DCLK2: variants seen among roughly 807,000 people sequenced by gnomAD.
The protein encoded by DCLK2 is doublecortin like kinase 2, also known as serine/threonine-protein kinase DCLK2.
In DCLK2, 31 loss-of-function variants were observed where a neutral mutation model predicts 78.4. That is an observed-to-expected ratio of 0.40 (90% CI 0.30 to 0.53). The LOEUF (loss-of-function observed/expected upper bound fraction) is 0.53, where lower values mean the gene tolerates loss of function less well. DCLK2 is among the 20% of genes least tolerant of loss of function. The pLI is 0.61. For missense variants in DCLK2, 872 were observed against 973.7 expected (o/e 0.90, Z 1.39); for synonymous variants, 407 against 374.9 (o/e 1.09, Z -0.99).
intron 2 of DCLK2, among the ~76,000 whole-genome samples, chr4:150,157,859 G>A (rs966413875): frequency 6.6e-6 from 1 of 152,054 alleles, no homozygotes; most frequent in Non-Finnish European, 1.5e-5. Context: ...AACTCTCTGA[G>A]CTCAAGTGAT....
At chr4:150,142,474 C>A (rs1734174798) in intron 2 of DCLK2, among the ~76,000 whole-genome samples, 1 of 152,116 alleles carries the variant, frequency 6.6e-6, no homozygotes, top group African/African-American at 2.4e-5. Context: ...TTTTTAGTTT[C>A]TTTTGCTTCC....
chr4:150,149,484 T>G (rs901110518), intron 2 of DCLK2, among the ~76,000 whole-genome samples: 7 of 152,180 alleles, frequency 4.6e-5, no homozygotes, highest in African/African-American at 1.7e-4. Context: ...GCCAGGATGT[T>G]TCACAGAGGG....
chr4:150,220,842 T>A, intron 6 of DCLK2, 64 bp downstream of exon 6: 1 of 1,262,568 alleles, frequency 7.9e-7, no homozygotes, highest in Non-Finnish European at 1.1e-6. Flanking sequence ...GGTGCTCACC[T>A]AAAACTCACT....
chr4:150,198,050 A>G lies in DCLK2; in HGVS notation c.908A>G (p.Tyr303Cys). Residue 303 changes from tyrosine to cysteine, a missense_variant, in exon 4 of 16, where the codon TAT becomes TGT. By Grantham distance (194) the Tyr-to-Cys change is radical (BLOSUM62 -2). Around this residue, in one of 3 missense-constraint regions of DCLK2, gnomAD observed 567 missense variants for 593.4 expected, o/e 0.96. Transcript: ENST00000296550. ...SSYSRSSAVKYSGSKSPGPSR... is the reference protein window; with the variant it reads ...SSYSRSSAVKCSGSKSPGPSR... ...TATTCTCGATCCTCAGCTGTTAAGT[A>G]TTCTGGATCCAAAAGCCCTGGGCCC... 1 of 1,613,970 alleles carries G rather than the reference A, an allele frequency of 6.2e-7. No individual in the cohort carries two copies. Among genetic ancestry groups the G allele is most frequent in the Non-Finnish European group, 8.5e-7 (1 of 1,179,966 alleles).
intron 15 of DCLK2, among the ~76,000 whole-genome samples, chr4:150,250,462 G>T (rs1743683645): frequency 6.6e-6 from 1 of 152,100 alleles, no homozygotes; most frequent in African/African-American, 2.4e-5. Context: ...ACCGTGAGCA[G>T]GTAGAAGCCA....
intron 1 of DCLK2, among the ~76,000 whole-genome samples, chr4:150,094,213 A>C (rs1429844125): frequency 6.6e-6 from 1 of 152,238 alleles, no homozygotes; most frequent in Non-Finnish European, 1.5e-5. Context: ...GGACTACATC[A>C]AACTAAAAAG....
rs201258896 is a variant in DCLK2 at position 150,247,562 on chromosome 4, G to A, written c.1779-41G>A. 1,390 of 1,584,084 alleles carry A rather than the reference G, an allele frequency of 8.8e-4. 5 individuals carry two copies. Among genetic ancestry groups the A allele is most frequent in the Non-Finnish European group, 1.0e-3 (1,187 of 1,154,280 alleles). On this transcript the variant is annotated intron_variant, in intron 12 of 15. Coordinates refer to ENST00000296550, the MANE Select transcript of DCLK2 (RefSeq NM_001040260.4). The stretch of plus-strand genomic sequence containing the variant: ...GGACATTTTGTTGAAAAATTCTACG[G>A]TGACTTTGACTTTTCTTCCATTTCT...
chr4:150,176,383 C>T (rs1355899653), intron 2 of DCLK2, among the ~76,000 whole-genome samples: 1 of 152,152 alleles, frequency 6.6e-6, no homozygotes, highest in Non-Finnish European at 1.5e-5. Context: ...TGGGTGTCTT[C>T]CTAACTTTCC....
intron 3 of DCLK2, among the ~76,000 whole-genome samples, chr4:150,196,071 T>A (rs911761752): frequency 1.3e-5 from 2 of 152,166 alleles, no homozygotes; most frequent in African/African-American, 4.8e-5. Flanking sequence ...AATTTTTTTT[T>A]AATCAGTTAT....
At chr4:150,135,830 C>T (rs1733647877) in intron 2 of DCLK2, among the ~76,000 whole-genome samples, 1 of 152,114 alleles carries the variant, frequency 6.6e-6, no homozygotes, top group Admixed American at 6.6e-5. Context: ...GAGGAAATAG[C>T]TGATGTTTAG....
intron 1 of DCLK2, among the ~76,000 whole-genome samples, chr4:150,098,277 G>A (rs764427067): frequency 2.6e-5 from 4 of 152,204 alleles, no homozygotes; most frequent in Middle Eastern, 3.4e-3. Flanking sequence ...GTTTGGTATT[G>A]TGGATTGCAC....
At chr4:150,109,352 C>CT (rs1333339882) in intron 2 of DCLK2, among the ~76,000 whole-genome samples, 1 of 136,860 alleles carries the variant, frequency 7.3e-6, no homozygotes, top group Non-Finnish European at 1.6e-5. Context: ...TTTTTTTTCT[C>CT]TGAGACGGAG....
At chr4:150,143,540 G>T (rs1734248151) in intron 2 of DCLK2, among the ~76,000 whole-genome samples, 1 of 152,086 alleles carries the variant, frequency 6.6e-6, no homozygotes, top group South Asian at 2.1e-4. Flanking sequence ...TTAATATAAT[G>T]ATTTTTTTTC....
intron 2 of DCLK2, among the ~76,000 whole-genome samples, chr4:150,183,559 A>G (rs1293749926): frequency 6.6e-6 from 1 of 152,178 alleles, no homozygotes; most frequent in Non-Finnish European, 1.5e-5. Context: ...TGGTCTACCC[A>G]AACAATTTAT....
intron 15 of DCLK2, chr4:150,253,181 TA>T (rs764234654): frequency 4.9e-5 from 24 of 486,876 alleles, no homozygotes; most frequent in Non-Finnish European, 9.7e-5. Flanking sequence ...GTTTTTACAT[TA>T]AAAATAACCT....
At chr4:150,157,494 TTTG>T (rs1481250900) in intron 2 of DCLK2, among the ~76,000 whole-genome samples, 795 of 60,196 alleles carry the variant, frequency 0.013, 7 homozygotes, top group African/African-American at 0.063. Context: ...GGTTTTTTTG[TTTG>T]TTTGTTTGTT....
At chr4:150,141,762 A>G (rs897628911) in intron 2 of DCLK2, among the ~76,000 whole-genome samples, 6 of 152,206 alleles carry the variant, frequency 3.9e-5, no homozygotes, top group African/African-American at 1.4e-4. Context: ...AATGTGAACT[A>G]CTTTACGAAG....
intron 5 of DCLK2, among the ~76,000 whole-genome samples, chr4:150,220,484 CTG>C (rs1741101556): frequency 6.6e-6 from 1 of 152,090 alleles, no homozygotes; most frequent in African/African-American, 2.4e-5. Context: ...AAAAAGGTAA[CTG>C]ATGATTTTTC....
intron 4 of DCLK2, among the ~76,000 whole-genome samples, chr4:150,202,950 G>A (rs1739558731): frequency 1.3e-5 from 2 of 152,058 alleles, no homozygotes; most frequent in Admixed American, 1.3e-4. Context: ...ACCTTTCCTA[G>A]GGGAGAGGTT....
Sources: gnomAD v4.1 joint callset for allele counts (sites outside exome capture counted in the v4.1 genomes callset) on GRCh38, gnomAD v4.1.1 for gene constraint, gnomAD v4.1.1 regional missense constraint, MANE v1.5 for transcripts, NCBI Gene and HGNC (gene_info 2026-07-23, HGNC 2026-07-21) for gene names.